Variants in KCNK1 observed in about 807,000 individuals in gnomAD.
KCNK1 encodes the protein potassium channel subfamily K member 1.
KCNK1 carries 10 observed loss-of-function variants against 22.2 expected under a neutral mutation model. The observed-to-expected ratio is 0.45, with a 90% confidence interval of 0.28 to 0.76. KCNK1 has a LOEUF of 0.76. Among genes scored for constraint, KCNK1 ranks in the 30% least tolerant of loss-of-function variants. The probability of loss-of-function intolerance (pLI) is 0.14; values close to 1 mark genes in which losing one functional copy is unlikely to be tolerated. For synonymous variants in KCNK1, 200 were observed against 186.4 expected, an observed-to-expected ratio of 1.07 and a Z score of -0.60; for missense variants, 378 against 421.0, an observed-to-expected ratio of 0.90 and a Z score of 0.89.
At chr1:233,643,172 C>A (rs1658033204) in intron 1 of KCNK1, among the ~76,000 whole-genome samples, 2 of 152,034 alleles carry the variant, frequency 1.3e-5, no homozygotes, top group Non-Finnish European at 2.9e-5. Context: ...GGGGAGCTTG[C>A]TAGTTCAGTC....
chr1:233,615,780 T>C (rs1469224531), intron 1 of KCNK1, among the ~76,000 whole-genome samples: 5 of 151,548 alleles, frequency 3.3e-5, no homozygotes, highest in African/African-American at 9.7e-5. Context: ...CTTTGGGCTA[T>C]ATCTTGTTGA....
intron 1 of KCNK1, among the ~76,000 whole-genome samples, chr1:233,622,971 A>G (rs1235697371): frequency 6.6e-6 from 1 of 152,178 alleles, no homozygotes; most frequent in African/African-American, 2.4e-5. Context: ...AGACTCAGTT[A>G]TTAGTACCCA....
chr1:233,641,781 A>G (rs1658004033), intron 1 of KCNK1, among the ~76,000 whole-genome samples: 2 of 152,214 alleles, frequency 1.3e-5, no homozygotes, highest in South Asian at 4.1e-4. Flanking sequence ...CATGAGAGAA[A>G]CCTCATGAAT....
intron 1 of KCNK1, among the ~76,000 whole-genome samples, chr1:233,644,486 A>G (rs935296444): frequency 3.3e-5 from 5 of 152,222 alleles, no homozygotes; most frequent in Admixed American, 2.6e-4. Context: ...ACATAATTCA[A>G]TTAGATAGTA....
At chr1:233,634,404 G>A (rs889710512) in intron 1 of KCNK1, among the ~76,000 whole-genome samples, 1 of 152,100 alleles carries the variant, frequency 6.6e-6, no homozygotes, top group Non-Finnish European at 1.5e-5. Flanking sequence ...ACTTCTCTTG[G>A]TAGTTAAAAT....
At chr1:233,660,008 C>A (rs942864314) in intron 1 of KCNK1, among the ~76,000 whole-genome samples, 1 of 152,174 alleles carries the variant, frequency 6.6e-6, no homozygotes, top group Non-Finnish European at 1.5e-5. Context: ...AGAATGGAGC[C>A]ATCTCCAGGA....
chr1:233,620,942 G>T (rs1295085408), intron 1 of KCNK1, among the ~76,000 whole-genome samples: 1 of 152,192 alleles, frequency 6.6e-6, no homozygotes, highest in Non-Finnish European at 1.5e-5. Flanking sequence ...AAACTGATGA[G>T]ATATAGGTAT....
At chr1:233,615,400 G>A (rs1361588912) in intron 1 of KCNK1, among the ~76,000 whole-genome samples, 1 of 152,182 alleles carries the variant, frequency 6.6e-6, no homozygotes, top group Non-Finnish European at 1.5e-5. Context: ...CCCAGGGCTC[G>A]GTCACTGTGC....
At chr1:233,657,896 G>T (rs1658327476) in intron 1 of KCNK1, among the ~76,000 whole-genome samples, 1 of 152,040 alleles carries the variant, frequency 6.6e-6, no homozygotes, top group Admixed American at 6.5e-5. Context: ...CTGTCAACCA[G>T]GTACTCACCA....
At chr1:233,617,326 A>C (rs1657503918) in intron 1 of KCNK1, among the ~76,000 whole-genome samples, 1 of 152,228 alleles carries the variant, frequency 6.6e-6, no homozygotes, top group Non-Finnish European at 1.5e-5. Flanking sequence ...TTGGTAATTC[A>C]GCAATAGTCT....
At chr1:233,620,362 G>A (rs1386564681) in intron 1 of KCNK1, among the ~76,000 whole-genome samples, 2 of 152,208 alleles carry the variant, frequency 1.3e-5, no homozygotes, top group African/African-American at 4.8e-5. Flanking sequence ...GAAACTTTGT[G>A]TAAGAAAGTT....
At chr1:233,657,546 C>T (rs1386579292) in intron 1 of KCNK1, among the ~76,000 whole-genome samples, 2 of 150,196 alleles carry the variant, frequency 1.3e-5, no homozygotes, top group Non-Finnish European at 2.9e-5. Context: ...GAGATTATTA[C>T]AGAATTTGTT....
intron 2 of KCNK1, among the ~76,000 whole-genome samples, chr1:233,667,729 C>CAAAAAA (rs71170433): frequency 6.3e-4 from 54 of 85,930 alleles, no homozygotes; most frequent in South Asian, 1.4e-3. Context: ...GACTCCGTCT[C>CAAAAAA]AAAAAAAAAA....
intron 1 of KCNK1, among the ~76,000 whole-genome samples, chr1:233,637,915 A>T (rs1657930983): frequency 6.6e-6 from 1 of 151,890 alleles, no homozygotes; most frequent in Non-Finnish European, 1.5e-5. Context: ...CAATTTGAAG[A>T]CTCAGTAGTA....
chr1:233,624,194 G>A (rs755009581), intron 1 of KCNK1: 2 of 153,960 alleles, frequency 1.3e-5, no homozygotes, highest in African/African-American at 4.8e-5. Context: ...TCATCATTTC[G>A]TCTGAATAGA....
At chr1:233,625,321 A>AC in intron 1 of KCNK1, among the ~76,000 whole-genome samples, 1 of 152,194 alleles carries the variant, frequency 6.6e-6, no homozygotes, top group Non-Finnish European at 1.5e-5. Flanking sequence ...GATTCTTATG[A>AC]CCTACAGTCA....
chr1:233,648,592 T>A (rs1390201946), intron 1 of KCNK1, among the ~76,000 whole-genome samples: 1 of 151,236 alleles, frequency 6.6e-6, no homozygotes. Context: ...TGAGACAGAG[T>A]CTCACTCTGT....
intron 1 of KCNK1, among the ~76,000 whole-genome samples, chr1:233,626,422 G>A (rs893103782): frequency 5.3e-5 from 8 of 152,146 alleles, no homozygotes; most frequent in Admixed American, 5.2e-4. Context: ...ATCTACACAA[G>A]GCACACAGTA....
intron 1 of KCNK1, among the ~76,000 whole-genome samples, chr1:233,654,347 A>G (rs928756987): frequency 2.0e-5 from 3 of 152,186 alleles, no homozygotes; most frequent in Non-Finnish European, 4.4e-5. Context: ...CCCAGAACTT[A>G]AAGTAAAAGA....
Sources: allele counts gnomAD v4.1 joint callset (sites outside exome capture counted in the v4.1 genomes callset), GRCh38; gene constraint gnomAD v4.1.1; transcripts MANE v1.5; gene names NCBI Gene and HGNC (gene_info 2026-07-23, HGNC 2026-07-21).